SOX6: variants seen among roughly 807,000 people sequenced by gnomAD.
The protein encoded by SOX6 is SRY-box transcription factor 6, also known as transcription factor SOX-6.
Under a neutral mutation model 97.8 loss-of-function variants are expected in SOX6, and 11 were observed. That is an observed-to-expected ratio of 0.11 (90% CI 0.07 to 0.19). The LOEUF is 0.19. Among genes scored for constraint, SOX6 ranks in the 10% least tolerant of loss-of-function variants. The pLI, the probability that SOX6 is intolerant of heterozygous loss-of-function variation, is 1.00. For missense variants in SOX6, 810 were observed against 1,039.5 expected (o/e 0.78, Z 3.04); for synonymous variants, 360 against 371.4 (o/e 0.97, Z 0.35).
At chr11:16,002,975 C>T (rs1854447567) in intron 13 of SOX6, among the ~76,000 whole-genome samples, 1 of 152,186 alleles carries the variant, frequency 6.6e-6, no homozygotes, top group Non-Finnish European at 1.5e-5. Context: ...AGCCTTCTGG[C>T]TGATATTCTT....
At chr11:16,061,907 G>T (rs1847966882) in intron 9 of SOX6, among the ~76,000 whole-genome samples, 1 of 151,786 alleles carries the variant, frequency 6.6e-6, no homozygotes, top group African/African-American at 2.4e-5. Flanking sequence ...ATGGATTAAA[G>T]ACATAAATGT....
intron 3 of SOX6, among the ~76,000 whole-genome samples, chr11:16,638,577 C>T (rs1423751308): frequency 3.3e-5 from 5 of 152,144 alleles, no homozygotes; most frequent in Non-Finnish European, 5.9e-5. Flanking sequence ...CTCTCCAGCA[C>T]CTGTTGTTTC....
intron 4 of SOX6, among the ~76,000 whole-genome samples, chr11:16,549,398 A>C (rs2133183456): frequency 6.6e-6 from 1 of 152,202 alleles, no homozygotes; most frequent in Non-Finnish European, 1.5e-5. Flanking sequence ...CAAACTCCTG[A>C]CCTCAGGTGA....
intron 3 of SOX6, among the ~76,000 whole-genome samples, chr11:16,636,316 T>G (rs768604876): frequency 3.9e-5 from 6 of 152,168 alleles, no homozygotes; most frequent in Non-Finnish European, 7.3e-5. Context: ...AGCTTTAAGA[T>G]TTGACTGTCC....
chr11:16,578,070 A>G (rs1302127280), intron 4 of SOX6, among the ~76,000 whole-genome samples: 3 of 152,072 alleles, frequency 2.0e-5, no homozygotes, highest in Non-Finnish European at 2.9e-5. Flanking sequence ...GTAGGTCTTT[A>G]ATTCATGTTG....
intron 1 of SOX6, among the ~76,000 whole-genome samples, chr11:16,384,484 A>G (rs1335118247): frequency 6.6e-6 from 1 of 151,990 alleles, no homozygotes; most frequent in Non-Finnish European, 1.5e-5. Flanking sequence ...CATCTTAAAG[A>G]TACTATTTTA....
intron 4 of SOX6, among the ~76,000 whole-genome samples, chr11:16,502,420 C>G (rs1312436355): frequency 6.6e-6 from 1 of 151,360 alleles, no homozygotes; most frequent in South Asian, 2.1e-4. Context: ...ATGTAACAAA[C>G]GTGCACGTTG....
intron 4 of SOX6, chr11:16,577,070 C>T (rs1328495586): frequency 6.6e-6 from 1 of 152,062 alleles, no homozygotes; most frequent in Non-Finnish European, 1.5e-5. Flanking sequence ...TCAGAACTCC[C>T]GTGCTGATCA....
At chr11:16,295,242 T>C (rs1855040267) in intron 3 of SOX6, among the ~76,000 whole-genome samples, 2 of 152,134 alleles carry the variant, frequency 1.3e-5, no homozygotes. Context: ...AAATTAACTA[T>C]ACAAGGTATT....
At chr11:16,633,235 C>G (rs918161410) in intron 3 of SOX6, among the ~76,000 whole-genome samples, 1 of 152,174 alleles carries the variant, frequency 6.6e-6, no homozygotes, top group East Asian at 1.9e-4. Context: ...AGAATTTTCC[C>G]ATCAAACTGC....
Position 15,971,654 on chromosome 11 carries a change from A to G in SOX6, c.*1155T>C, listed in dbSNP as rs532505636. ...GCCAGATACATACTCATGATTAAAAACAATAATAGGTTTTTAATAATATCT... is the reference window on the plus strand; with the variant it reads ...GCCAGATACATACTCATGATTAAAAGCAATAATAGGTTTTTAATAATATCT... On this transcript the variant is annotated 3_prime_UTR_variant, in exon 16 of 16. Transcript: ENST00000683767. 6.5e-6 allele frequency: 1 copy of G among 152,704 alleles called. No individual in the cohort carries two copies. Among genetic ancestry groups the G allele is most frequent in the East Asian group, 1.9e-4 (1 of 5,184 alleles). The allele number at this position is 152,704 out of a possible 1,614,324, so 9.5% of individuals were successfully genotyped here.
chr11:16,118,495 T>C (rs138986826), intron 6 of SOX6, among the ~76,000 whole-genome samples: 34 of 152,372 alleles, frequency 2.2e-4, no homozygotes, highest in African/African-American at 7.2e-4. Flanking sequence ...CTGTGCTAAG[T>C]TGTTGATGAT....
chr11:16,599,978 G>A (rs1268928852), intron 4 of SOX6, among the ~76,000 whole-genome samples: 2 of 152,144 alleles, frequency 1.3e-5, no homozygotes, highest in African/African-American at 2.4e-5. Flanking sequence ...CCATAATGAG[G>A]GGGTAGCTCA....
chr11:16,139,299 C>G (rs1286959958), intron 6 of SOX6, among the ~76,000 whole-genome samples: 1 of 152,090 alleles, frequency 6.6e-6, no homozygotes, highest in East Asian at 1.9e-4. Flanking sequence ...TTTTAGCATC[C>G]CTTCATGTTT....
chr11:16,097,378 T>A (rs1848825602), intron 8 of SOX6, among the ~76,000 whole-genome samples: 1 of 151,930 alleles, frequency 6.6e-6, no homozygotes, highest in African/African-American at 2.4e-5. Flanking sequence ...TTCACTCATC[T>A]GATAGAGAAT....
Position 16,309,690 on chromosome 11 carries a change from A to T in SOX6, c.445+8756T>A, listed in dbSNP as rs575768670. 1.8e-4 allele frequency among the ~76,000 whole-genome samples: 28 copies of T among 152,210 alleles called. No homozygotes were observed. The South Asian group carries it at 5.4e-3, about 29-fold the overall frequency. On this transcript the variant is annotated intron_variant, in intron 3 of 15. Coordinates refer to ENST00000683767, the MANE Select transcript of SOX6 (RefSeq NM_001367873.1). The stretch of plus-strand genomic sequence containing the variant: ...TATACATATCAAATATTACATAATA[A>T]ATAAATGTTTACATTTACCACTTCC...
intron 3 of SOX6, among the ~76,000 whole-genome samples, chr11:16,701,584 T>C (rs779263098): frequency 2.1e-4 from 32 of 151,986 alleles, no homozygotes; most frequent in Non-Finnish European, 3.5e-4. Context: ...ATTAAAAGGA[T>C]ATGCAACTCA....
intron 8 of SOX6, among the ~76,000 whole-genome samples, chr11:16,096,370 A>G (rs981164294): frequency 2.0e-5 from 3 of 151,860 alleles, no homozygotes; most frequent in African/African-American, 7.2e-5. Context: ...GAAATATATT[A>G]GGTTTATAAT....
At chr11:16,298,477 G>A (rs1195394941) in intron 3 of SOX6, among the ~76,000 whole-genome samples, 1 of 151,870 alleles carries the variant, frequency 6.6e-6, no homozygotes, top group Non-Finnish European at 1.5e-5. Flanking sequence ...CCTATGTGAT[G>A]CAAATAAATA....
Sources: gnomAD v4.1 joint callset for allele counts (sites outside exome capture counted in the v4.1 genomes callset) on GRCh38, gnomAD v4.1.1 for gene constraint, MANE v1.5 for transcripts, NCBI Gene and HGNC (gene_info 2026-07-23, HGNC 2026-07-21) for gene names.